The following EDN1 variants were observed in gnomAD, a reference collection of about 807,000 sequenced individuals.
EDN1 encodes the protein endothelin-1.
A neutral mutation model predicts 21.7 loss-of-function variants in EDN1; 11 were observed. The observed-to-expected ratio is 0.51, with a 90% CI of 0.32 to 0.84. EDN1 has a LOEUF of 0.84. Among genes scored for constraint, EDN1 ranks in the 40% least tolerant of loss-of-function variants. The pLI, the probability that EDN1 is intolerant of heterozygous loss-of-function variation, is 0.03. For missense variants in EDN1, 244 were observed against 262.3 expected, an observed-to-expected ratio of 0.93 and a Z score of 0.48; for synonymous variants, 85 against 90.6, an observed-to-expected ratio of 0.94 and a Z score of 0.35.
chr6:12,240,572 G>A, the EDN1 span, among the ~76,000 whole-genome samples: 36,174 of 151,994 alleles, frequency 0.24, 5,162 homozygotes, highest in Non-Finnish European at 0.32. Context: ...GTTACACTCA[G>A]ACCTGATAAA....
At chr6:12,270,242 A>C in the EDN1 span, among the ~76,000 whole-genome samples, 1 of 151,918 alleles carries the variant, frequency 6.6e-6, no homozygotes, top group Non-Finnish European at 1.5e-5. Context: ...ATTATTGGTT[A>C]TGTTGATCTT....
chr6:12,293,164 G>C (rs959434085), intron 2 of EDN1, among the ~76,000 whole-genome samples: 2 of 152,182 alleles, frequency 1.3e-5, no homozygotes, highest in African/African-American at 4.8e-5. Context: ...TTCATCATCT[G>C]TCGGAAGCAG....
the EDN1 span, among the ~76,000 whole-genome samples, chr6:12,243,287 AGAG>A: frequency 1.7e-4 from 21 of 125,990 alleles, no homozygotes; most frequent in African/African-American, 4.6e-4. Context: ...CATTGAGTAA[AGAG>A]GAGGAGGAGG....
intron 3 of EDN1, 61 bp downstream of exon 3, chr6:12,294,157 A>G: frequency 1.9e-6 from 3 of 1,613,616 alleles, no homozygotes; most frequent in South Asian, 1.1e-5. Flanking sequence ...CCTTCCTATC[A>G]TGGTACTGCC....
At chr6:12,233,352 C>G in the EDN1 span, among the ~76,000 whole-genome samples, 1 of 152,198 alleles carries the variant, frequency 6.6e-6, no homozygotes, top group Non-Finnish European at 1.5e-5. Flanking sequence ...AAGACTGATT[C>G]ACAGAATTCT....
the EDN1 span, among the ~76,000 whole-genome samples, chr6:12,231,945 C>A: frequency 2.0e-5 from 3 of 150,684 alleles, no homozygotes; most frequent in Non-Finnish European, 3.0e-5. Flanking sequence ...TTTAAAAAAC[C>A]AAAAAACAAT....
the EDN1 span, among the ~76,000 whole-genome samples, chr6:12,280,146 G>A: frequency 2.0e-5 from 3 of 152,174 alleles, no homozygotes; most frequent in South Asian, 4.1e-4. Flanking sequence ...GACAAAATAA[G>A]AGAAAGGAAA....
chr6:12,293,814 C>A, intron 2 of EDN1, 127 bp from the exon 3 acceptor site: 3 of 1,070,876 alleles, frequency 2.8e-6, no homozygotes, highest in South Asian at 1.4e-5. Flanking sequence ...ACTTTACCCT[C>A]TGAAATGATG....
Position 12,294,190 on chromosome 6 carries a change from A to G in EDN1, c.390-71A>G. 4 of 1,613,400 alleles carry G rather than the reference A, an allele frequency of 2.5e-6. 1 individual carries two copies. The highest frequency in any genetic ancestry group is 2.2e-5 in the South Asian group (2 of 90,946). On this transcript the variant is annotated intron_variant, in intron 3 of 4. Transcript: ENST00000379375. Reference sequence around the variant, plus strand: ...GCCTTCCTGTTTTAGAGAGACTAACAGAGACATTGAAAGTCAGGGTAAAGC... The same window carrying G: ...GCCTTCCTGTTTTAGAGAGACTAACGGAGACATTGAAAGTCAGGGTAAAGC...
At chr6:12,241,117 C>T in the EDN1 span, among the ~76,000 whole-genome samples, 2 of 151,906 alleles carry the variant, frequency 1.3e-5, no homozygotes, top group Non-Finnish European at 2.9e-5. Flanking sequence ...AAGACATTTA[C>T]ACTGTGGGAA....
chr6:12,296,299 A>G lies in EDN1; in HGVS notation c.*232A>G. ...CTTTGGTCTCTTCTTTCATCTGGGG[A>G]TGACAATGGACCTCTCAGCAGAAAC... On this transcript the variant is annotated 3_prime_UTR_variant, in exon 5 of 5. Coordinates refer to ENST00000379375, the MANE Select transcript of EDN1 (RefSeq NM_001955.5). 1 of 499,084 alleles carries G rather than the reference A, an allele frequency of 2.0e-6. No individual in the cohort carries two copies. Among genetic ancestry groups the G allele is most frequent in the Non-Finnish European group, 3.7e-6 (1 of 270,634 alleles). 30.9% of individuals were successfully genotyped at this position (499,084 alleles called of 1,614,324 possible).
At chr6:12,295,514 C>T (rs750583951) in intron 4 of EDN1, among the ~76,000 whole-genome samples, 1 of 151,966 alleles carries the variant, frequency 6.6e-6, no homozygotes, top group African/African-American at 2.4e-5. Flanking sequence ...AAATAATTGC[C>T]ATAAAGTATT....
chr6:12,294,158 TG>T (rs2113796876), intron 3 of EDN1, 62 bp downstream of exon 3: 1 of 1,613,588 alleles, frequency 6.2e-7, no homozygotes, highest in Non-Finnish European at 8.5e-7. Context: ...CTTCCTATCA[TG>T]GTACTGCCTT....
chr6:12,284,668 GAGAAAGAA>G, the EDN1 span, among the ~76,000 whole-genome samples: 1 of 137,588 alleles, frequency 7.3e-6, no homozygotes, highest in African/African-American at 3.0e-5. Flanking sequence ...AAGAAAAAGA[GAGAAAGAA>G]AGAAAGAAAG....
At chr6:12,244,905 A>C in the EDN1 span, among the ~76,000 whole-genome samples, 1 of 152,202 alleles carries the variant, frequency 6.6e-6, no homozygotes, top group African/African-American at 2.4e-5. Flanking sequence ...TTACAACAAT[A>C]TGGCTTTTAA....
At chr6:12,268,699 G>T in the EDN1 span, among the ~76,000 whole-genome samples, 1 of 152,084 alleles carries the variant, frequency 6.6e-6, no homozygotes, top group Non-Finnish European at 1.5e-5. Flanking sequence ...CCAGTACCAT[G>T]CTGTTTTGGT....
chr6:12,245,325 G>A, the EDN1 span, among the ~76,000 whole-genome samples: 1 of 152,198 alleles, frequency 6.6e-6, no homozygotes, highest in Non-Finnish European at 1.5e-5. Context: ...ACTGGCGGTG[G>A]AACTGGGTAG....
At chr6:12,265,295 G>A in the EDN1 span, among the ~76,000 whole-genome samples, 4 of 152,132 alleles carry the variant, frequency 2.6e-5, no homozygotes, top group Non-Finnish European at 5.9e-5. Context: ...ACCTGCTATG[G>A]GCTGAACTGT....
chr6:12,261,358 G>A, the EDN1 span, among the ~76,000 whole-genome samples: 2 of 152,222 alleles, frequency 1.3e-5, no homozygotes, highest in African/African-American at 4.8e-5. Flanking sequence ...ATACAAACAG[G>A]TACGCTCCGA....
Sources: gnomAD v4.1 joint callset for allele counts (sites outside exome capture counted in the v4.1 genomes callset) on GRCh38, gnomAD v4.1.1 for gene constraint, MANE v1.5 for transcripts, NCBI Gene and HGNC (gene_info 2026-07-23, HGNC 2026-07-21) for gene names.